ELL: variants seen among roughly 807,000 people sequenced by gnomAD.
The protein encoded by ELL is RNA polymerase II elongation factor ELL.
A neutral mutation model predicts 64.0 loss-of-function variants in ELL; 18 were observed. That is an observed-to-expected ratio of 0.28 (90% CI 0.19 to 0.42). The LOEUF (loss-of-function observed/expected upper bound fraction) is 0.42. Ranked by LOEUF, ELL falls within the 10% of genes least tolerant of loss-of-function variation. The probability of loss-of-function intolerance (pLI) is 1.00; values close to 1 mark genes in which losing one functional copy is unlikely to be tolerated. For synonymous variants in ELL, 399 were observed against 376.2 expected, an observed-to-expected ratio of 1.06 and a Z score of -0.70; for missense variants, 797 against 870.4, an observed-to-expected ratio of 0.92 and a Z score of 1.06.
chr19:18,492,177 C>T (rs1263120321), intron 1 of ELL, among the ~76,000 whole-genome samples: 2 of 152,148 alleles, frequency 1.3e-5, no homozygotes, highest in East Asian at 1.9e-4. Flanking sequence ...CTCCACCCGG[C>T]CTGTTCTGGC....
intron 6 of ELL, among the ~76,000 whole-genome samples, chr19:18,453,274 CA>C (rs1425788763): frequency 1.3e-5 from 2 of 152,180 alleles, no homozygotes; most frequent in Non-Finnish European, 2.9e-5. Context: ...GACTCCGTCT[CA>C]AAAACATAAA....
intron 1 of ELL, 69 bp downstream of exon 1, chr19:18,521,852 T>G: frequency 2.0e-6 from 3 of 1,512,214 alleles, no homozygotes; most frequent in Non-Finnish European, 2.7e-6. Flanking sequence ...GACGCCTCAG[T>G]GAGGGGAGCG....
chr19:18,496,333 C>A (rs1600488685), intron 1 of ELL, among the ~76,000 whole-genome samples: 1 of 152,216 alleles, frequency 6.6e-6, no homozygotes, highest in Non-Finnish European at 1.5e-5. Flanking sequence ...GCAGGAAGAG[C>A]TCAAGGGCTG....
intron 10 of ELL, 139 bp downstream of exon 10, chr19:18,446,170 A>C: frequency 2.2e-5 from 23 of 1,039,706 alleles, no homozygotes; most frequent in Non-Finnish European, 2.7e-5. Context: ...TGCTGCATGG[A>C]GTGCACCAGG....
intron 1 of ELL, among the ~76,000 whole-genome samples, chr19:18,512,049 G>A (rs944599980): frequency 6.6e-6 from 1 of 152,044 alleles, no homozygotes; most frequent in African/African-American, 2.4e-5. Flanking sequence ...CAGCTACTGG[G>A]GAGGCTGAGG....
chr19:18,459,716 T>TG (rs34184616), intron 5 of ELL, among the ~76,000 whole-genome samples: 44,656 of 151,622 alleles, frequency 0.29, 7,936 homozygotes, highest in African/African-American at 0.5. Flanking sequence ...TTAGTAGAGA[T>TG]GGGGTTTCAC....
intron 1 of ELL, among the ~76,000 whole-genome samples, chr19:18,487,586 A>G (rs1297328668): frequency 1.3e-5 from 2 of 152,336 alleles, no homozygotes; most frequent in East Asian, 3.9e-4. Flanking sequence ...CTAGCCCCTC[A>G]GGGAGGCCCC....
chr19:18,519,548 T>A (rs1285888408), intron 1 of ELL, among the ~76,000 whole-genome samples: 1 of 152,166 alleles, frequency 6.6e-6, no homozygotes, highest in Non-Finnish European at 1.5e-5. Context: ...GGCTCATGCC[T>A]GTAGTCCCAG....
chr19:18,446,226 G>T, intron 10 of ELL, 83 bp downstream of exon 10: 1 of 1,339,344 alleles, frequency 7.5e-7, no homozygotes, highest in Non-Finnish European at 9.5e-7. Context: ...GGGCCACCAA[G>T]CTCGTGGTGG....
intron 1 of ELL, among the ~76,000 whole-genome samples, chr19:18,498,216 C>T (rs899812652): frequency 5.9e-5 from 9 of 152,180 alleles, no homozygotes; most frequent in Non-Finnish European, 1.3e-4. Flanking sequence ...ATGGGGGAGG[C>T]TGCAGGTGCG....
intron 1 of ELL, among the ~76,000 whole-genome samples, chr19:18,494,906 G>A (rs145002399): frequency 1.1e-3 from 169 of 152,318 alleles, no homozygotes; most frequent in African/African-American, 3.8e-3. Context: ...ACTCTACCCT[G>A]TACCTCTAGG....
At chr19:18,510,367 G>A (rs1343978885) in intron 1 of ELL, among the ~76,000 whole-genome samples, 1 of 152,110 alleles carries the variant, frequency 6.6e-6, no homozygotes, top group Non-Finnish European at 1.5e-5. Flanking sequence ...AGTGAGACTC[G>A]GTCTCAAAAC....
chr19:18,480,445 G>A (rs1391007025), intron 1 of ELL, among the ~76,000 whole-genome samples: 3 of 152,162 alleles, frequency 2.0e-5, no homozygotes, highest in Non-Finnish European at 4.4e-5. Context: ...GACCTCACTG[G>A]TTCCAGCCTA....
rs543922086 is a variant in ELL, at chr19:18,474,680, CA to C, written c.136-1799del. 6.6e-4 allele frequency among the ~76,000 whole-genome samples: 101 copies of C among 152,372 alleles called. 1 individual carries two copies. Among genetic ancestry groups the C allele is most frequent in the Middle Eastern group, 3.4e-3 (1 of 294 alleles). The stretch of plus-strand genomic sequence containing the variant: ...CACAAGGGCCACTGTGCTACTGCGA[CA>C]AGGGGGGCTCGTCTAGAGCAGCTCA... On this transcript the variant is annotated intron_variant, in intron 1 of 11. Transcript: ENST00000262809.
intron 1 of ELL, among the ~76,000 whole-genome samples, chr19:18,518,554 C>G (rs1976180091): frequency 6.6e-6 from 1 of 151,320 alleles, no homozygotes; most frequent in Non-Finnish European, 1.5e-5. Flanking sequence ...CTTTGGGAGG[C>G]TGAGGCAGAT....
intron 7 of ELL, 40 bp from the exon 8 acceptor site, chr19:18,451,015 G>C (rs1165582821): frequency 7.4e-6 from 11 of 1,486,984 alleles, no homozygotes; most frequent in Non-Finnish European, 9.8e-6. Context: ...GGAGCACAGA[G>C]TGGCTGAGCA....
chr19:18,507,872 G>A (rs539875535), intron 1 of ELL, among the ~76,000 whole-genome samples: 28 of 152,270 alleles, frequency 1.8e-4, no homozygotes, highest in African/African-American at 6.3e-4. Context: ...GGAGGCAGAC[G>A]CCTGACCCCC....
Position 18,472,882 on chromosome 19 carries a change from CCT to C in ELL, c.136-2_136-1del. Reference sequence around the variant, plus strand: ...ATAGATGGCCTCAGTGAAACAGAATCCTATAAAAAAAAAAAAAAAAAAAAAAA... The same window carrying C: ...ATAGATGGCCTCAGTGAAACAGAATCATAAAAAAAAAAAAAAAAAAAAAAA... On this transcript the variant is annotated splice_acceptor_variant, in intron 1 of 11. Coordinates refer to ENST00000262809, the MANE Select transcript of ELL (RefSeq NM_006532.4). LOFTEE classifies it high-confidence loss of function. 1 of 1,253,462 alleles carries C rather than the reference CCT, an allele frequency of 8.0e-7. No individual in the cohort carries two copies. The highest frequency in any genetic ancestry group is 1.1e-6 in the Non-Finnish European group (1 of 930,716). 77.6% of individuals were successfully genotyped at this position (1,253,462 alleles called of 1,614,324 possible). A position where few individuals can be genotyped will look rare whatever the true frequency, so the allele number is the denominator to read the frequency against.
intron 5 of ELL, among the ~76,000 whole-genome samples, chr19:18,458,572 A>T (rs1223579869): frequency 6.6e-6 from 1 of 152,122 alleles, no homozygotes; most frequent in Non-Finnish European, 1.5e-5. Flanking sequence ...TCCAGACTCA[A>T]CTGTCTTAGA....
Sources: allele counts gnomAD v4.1 joint callset (sites outside exome capture counted in the v4.1 genomes callset), GRCh38; gene constraint gnomAD v4.1.1; transcripts MANE v1.5; gene names NCBI Gene and HGNC (gene_info 2026-07-23, HGNC 2026-07-21).